COL4A5: variants seen among roughly 807,000 people sequenced by gnomAD.
COL4A5 encodes collagen type IV alpha 5 chain.
In COL4A5, 26 loss-of-function variants were observed where a neutral mutation model predicts 130.2. The observed-to-expected ratio is 0.20, with a 90% CI of 0.15 to 0.28. The LOEUF is 0.28. Among genes scored for constraint, COL4A5 ranks in the 10% least tolerant of loss-of-function variants. The pLI is 1.00. For missense variants in COL4A5, 1,131 were observed against 1,344.3 expected (o/e 0.84, Z 2.48); for synonymous variants, 496 against 439.6 (o/e 1.13, Z -1.60).
At chrX:108,680,616 C>G in intron 44 of COL4A5, 63 bp from the exon 45 acceptor site, 1 of 916,606 alleles carries the variant, frequency 1.1e-6, no homozygotes. Flanking sequence ...ATTCTTATGC[C>G]CTCAATCACC....
At chrX:108,682,374 T>G (rs2068450700) in intron 47 of COL4A5, among the ~76,000 whole-genome samples, 1 of 112,006 alleles carries the variant, frequency 8.9e-6, no homozygotes, top group Non-Finnish European at 1.9e-5. Flanking sequence ...TGTGTCTTTA[T>G]AGTAGAATAA....
intron 1 of COL4A5, among the ~76,000 whole-genome samples, chrX:108,496,868 T>C (rs1440464096): frequency 1.8e-5 from 2 of 112,012 alleles, no homozygotes; most frequent in African/African-American, 6.5e-5. Context: ...CGTTTCTTTT[T>C]GAAAAAAGCT....
chrX:108,587,737 A>G (rs2066360454), intron 19 of COL4A5, among the ~76,000 whole-genome samples: 2 of 111,383 alleles, frequency 1.8e-5, no homozygotes, highest in Admixed American at 9.6e-5. Flanking sequence ...ATTCCCACCA[A>G]CAGTGTGTGA....
Position 108,469,471 on chromosome X carries a change from A to G in COL4A5, c.81+29265A>G, listed in dbSNP as rs191274852. Among the ~76,000 whole-genome samples the G allele has an allele frequency of 2.6e-3, 283 of 109,831 alleles. 2 individuals carry two copies. The highest frequency in any genetic ancestry group is 9.0e-3 in the African/African-American group (273 of 30,199). ...ATAGTATTTTCTTATAATTCTTTTT[A>G]TATCTGTAAGGTTAGTAGTAATGTC... On this transcript the variant is annotated intron_variant, in intron 1 of 52. Transcript: ENST00000328300.
At chrX:108,690,453 G>A (rs888433909) in intron 49 of COL4A5, among the ~76,000 whole-genome samples, 6 of 111,965 alleles carry the variant, frequency 5.4e-5, no homozygotes, top group African/African-American at 1.9e-4. Context: ...ACAGGTTTAA[G>A]ATCTATTGGT....
Position 108,649,907 on chromosome X carries a change from G to T in COL4A5, c.3247-5424G>T, listed in dbSNP as rs1209573059. ...TGCAATAAAAACAAGATAAATAATTGGGACTTAATTAAACTAACGAGCTTT... is the reference window on the plus strand; with the variant it reads ...TGCAATAAAAACAAGATAAATAATTTGGACTTAATTAAACTAACGAGCTTT... On this transcript the variant is annotated intron_variant, in intron 36 of 52. Coordinates refer to ENST00000328300, the MANE Select transcript of COL4A5 (RefSeq NM_033380.3). Among the ~76,000 whole-genome samples, 3 of 111,314 alleles carry T rather than the reference G, an allele frequency of 2.7e-5. No individual in the cohort carries two copies. The East Asian group carries it at 8.5e-4, about 32-fold the overall frequency.
chrX:108,523,819 A>G (rs1244855497), intron 1 of COL4A5, among the ~76,000 whole-genome samples: 2 of 111,875 alleles, frequency 1.8e-5, no homozygotes, highest in Non-Finnish European at 3.8e-5. Context: ...TCATTTCTTA[A>G]GTTTATTCCT....
At chrX:108,485,251 G>T (rs1388091429) in intron 1 of COL4A5, among the ~76,000 whole-genome samples, 3 of 112,118 alleles carry the variant, frequency 2.7e-5, no homozygotes, top group African/African-American at 9.7e-5. Flanking sequence ...AAAAGCCAAG[G>T]CCTGGAATTG....
chrX:108,572,282 A>G (rs1429722468), intron 8 of COL4A5, among the ~76,000 whole-genome samples: 2 of 111,468 alleles, frequency 1.8e-5, no homozygotes, highest in African/African-American at 6.5e-5. Context: ...GCCCAGAAAT[A>G]TTACTAATGC....
chrX:108,624,128 T>C, intron 33 of COL4A5, 108 bp from the exon 34 acceptor site: 1 of 591,437 alleles, frequency 1.7e-6, no homozygotes, highest in Non-Finnish European at 2.9e-6. Context: ...ATATCACCAG[T>C]TCCTCTAATT....
At chrX:108,530,607 G>T (rs1438748026) in intron 1 of COL4A5, among the ~76,000 whole-genome samples, 15 of 99,237 alleles carry the variant, frequency 1.5e-4, no homozygotes, top group African/African-American at 5.6e-4. Context: ...ATGAAAAAAT[G>T]CTCACCATCA....
At chrX:108,546,502 T>A (rs1374030385) in intron 2 of COL4A5, among the ~76,000 whole-genome samples, 1 of 112,074 alleles carries the variant, frequency 8.9e-6, no homozygotes, top group African/African-American at 3.3e-5. Flanking sequence ...GGGCTTCCCT[T>A]TGTGGGTAAC....
chrX:108,599,128 T>C, intron 25 of COL4A5, among the ~76,000 whole-genome samples: 1 of 111,426 alleles, frequency 9.0e-6, no homozygotes, highest in Middle Eastern at 4.2e-3. Context: ...TAATAAATAG[T>C]TATAACAGAA....
chrX:108,553,339 C>A (rs954656551), intron 2 of COL4A5, among the ~76,000 whole-genome samples: 82 of 111,622 alleles, frequency 7.3e-4, no homozygotes, highest in African/African-American at 2.5e-3. Flanking sequence ...AATTACATAT[C>A]TGATAGAAGA....
intron 1 of COL4A5, among the ~76,000 whole-genome samples, chrX:108,503,363 C>A (rs1254313041): frequency 3.6e-5 from 4 of 111,834 alleles, no homozygotes; most frequent in Non-Finnish European, 5.6e-5. Context: ...AGGATGCCCA[C>A]CACATTCACC....
intron 37 of COL4A5, among the ~76,000 whole-genome samples, chrX:108,655,793 A>G (rs1273302673): frequency 8.9e-6 from 1 of 112,547 alleles, no homozygotes; most frequent in Non-Finnish European, 1.9e-5. Flanking sequence ...CTCTGCCTGC[A>G]GCTGATTATC....
At chrX:108,500,746 C>A (rs2065072891) in intron 1 of COL4A5, among the ~76,000 whole-genome samples, 1 of 111,583 alleles carries the variant, frequency 9.0e-6, no homozygotes, top group Admixed American at 9.6e-5. Flanking sequence ...GCTGGCTAAA[C>A]TTTTTAACTT....
chrX:108,638,043 G>T (rs1392284224), intron 36 of COL4A5, among the ~76,000 whole-genome samples: 3 of 110,295 alleles, frequency 2.7e-5, no homozygotes, highest in African/African-American at 9.9e-5. Flanking sequence ...AAATTGAAGA[G>T]GAGGGAACAC....
At chrX:108,556,057 G>A (rs922964924) in intron 2 of COL4A5, among the ~76,000 whole-genome samples, 2 of 111,794 alleles carry the variant, frequency 1.8e-5, no homozygotes, top group African/African-American at 6.5e-5. Context: ...GGGAGTTAAA[G>A]TTATTACAAA....
Sources: gnomAD v4.1 joint callset for allele counts (sites outside exome capture counted in the v4.1 genomes callset) on GRCh38, gnomAD v4.1.1 for gene constraint, MANE v1.5 for transcripts, NCBI Gene and HGNC (gene_info 2026-07-23, HGNC 2026-07-21) for gene names.